LNX2: variants seen among roughly 807,000 people sequenced by gnomAD.
The protein encoded by LNX2 is ligand of Numb protein X 2.
LNX2 carries 35 observed loss-of-function variants against 66.2 expected under a neutral mutation model. That is an observed-to-expected ratio of 0.53 (90% CI 0.40 to 0.70). The LOEUF is 0.70. Among genes scored for constraint, LNX2 ranks in the 30% least tolerant of loss-of-function variants. LNX2 has a pLI of 0.00. For missense variants in LNX2, 791 were observed against 850.8 expected, an observed-to-expected ratio of 0.93 and a Z score of 0.87; for synonymous variants, 337 against 315.6, an observed-to-expected ratio of 1.07 and a Z score of -0.72.
chr13:27,562,715 T>G lies in LNX2; in HGVS notation c.922A>C (p.Asn308His), dbSNP rs1369932129. Residue 308 changes from asparagine (N) to histidine (H), a missense_variant, in exon 5 of 10, where the codon AAC becomes CAC. By Grantham distance (68) the Asn-to-His change is moderately conservative (BLOSUM62 1). Coordinates refer to ENST00000316334, the MANE Select transcript of LNX2 (RefSeq NM_153371.4). ...YARAVLSQPC[N>H]TLHLTVLRER... is the part of the protein sequence containing the mutation. ...CGAAGCACAGTAAGATGCAGTGTGTTGCAGGGCTGGGAAAGGACAGCTCGG... is the reference window on the plus strand; with the variant it reads ...CGAAGCACAGTAAGATGCAGTGTGTGGCAGGGCTGGGAAAGGACAGCTCGG... 1.9e-6 allele frequency: 3 copies of G among 1,614,160 alleles called. No homozygotes were observed. The Admixed American group carries it at 5.0e-5, about 27-fold the overall frequency.
intron 1 of LNX2, among the ~76,000 whole-genome samples, chr13:27,615,890 A>G (rs1344764145): frequency 6.6e-6 from 1 of 152,148 alleles, no homozygotes; most frequent in Non-Finnish European, 1.5e-5. Context: ...TCTGTGAGCC[A>G]AGCCAGATCA....
At chr13:27,579,560 T>C (rs567557041) in intron 2 of LNX2, among the ~76,000 whole-genome samples, 41 of 152,342 alleles carry the variant, frequency 2.7e-4, no homozygotes, top group Non-Finnish European at 5.3e-4. Context: ...ATTCTCATTA[T>C]AAATGGTTTG....
intron 2 of LNX2, among the ~76,000 whole-genome samples, chr13:27,577,824 A>C (rs1955355617): frequency 2.0e-5 from 3 of 152,222 alleles, no homozygotes; most frequent in Admixed American, 1.3e-4. Context: ...CCAAAGGCTT[A>C]AATGTTAAAT....
chr13:27,589,569 C>A (rs1270450348), intron 1 of LNX2, among the ~76,000 whole-genome samples: 1 of 151,864 alleles, frequency 6.6e-6, no homozygotes, highest in Non-Finnish European at 1.5e-5. Flanking sequence ...ATTTTAAACC[C>A]CCTTCACCTT....
At chr13:27,548,558 G>A (rs1371104092) in intron 9 of LNX2, 88 bp from the exon 10 acceptor site, 21 of 1,386,770 alleles carry the variant, frequency 1.5e-5, no homozygotes, top group Middle Eastern at 1.8e-4. Context: ...TGAAAAATGC[G>A]GTTTCACTTA....
intron 1 of LNX2, among the ~76,000 whole-genome samples, chr13:27,601,484 T>C (rs1955658043): frequency 6.6e-6 from 1 of 152,210 alleles, no homozygotes. Context: ...TAAACTAGAA[T>C]GATACTTCTC....
chr13:27,555,285 ATCT>A (rs1338323381), intron 7 of LNX2, among the ~76,000 whole-genome samples: 33 of 152,228 alleles, frequency 2.2e-4, no homozygotes, highest in Admixed American at 2.0e-3. Flanking sequence ...CCATTTATTT[ATCT>A]TCTTTAGAGA....
At chr13:27,586,074 A>G (rs1208192625) in intron 1 of LNX2, among the ~76,000 whole-genome samples, 7 of 148,980 alleles carry the variant, frequency 4.7e-5, no homozygotes, top group African/African-American at 1.7e-4. Context: ...AAGGCAGTAC[A>G]TATATCTATA....
Position 27,547,905 on chromosome 13 carries a change from G to C in LNX2, c.*430C>G, listed in dbSNP as rs1460819296. Reference sequence around the variant, plus strand: ...CAAAATTTAAAGTATATTCATTCATGGTATTGGTTATGACAGTGGCAGTAC... The same window carrying C: ...CAAAATTTAAAGTATATTCATTCATCGTATTGGTTATGACAGTGGCAGTAC... On this transcript the variant is annotated 3_prime_UTR_variant, in exon 10 of 10. Transcript: ENST00000316334. The C allele has an allele frequency of 6.3e-6, 1 of 158,386 alleles. No homozygotes were observed. The highest frequency in any genetic ancestry group is 1.4e-5 in the Non-Finnish European group (1 of 71,690). The allele number at this position is 158,386 out of a possible 1,614,324, so 9.8% of individuals were successfully genotyped here.
chr13:27,559,107 G>A (rs1027071476), intron 6 of LNX2, among the ~76,000 whole-genome samples: 4 of 152,088 alleles, frequency 2.6e-5, no homozygotes, highest in African/African-American at 9.7e-5. Flanking sequence ...TCAAATGAAG[G>A]ATGAAATGAA....
chr13:27,568,961 C>A, intron 3 of LNX2, 68 bp downstream of exon 3: 1 of 1,445,418 alleles, frequency 6.9e-7, no homozygotes, highest in South Asian at 1.5e-5. Context: ...GAAAAAAGTA[C>A]ATGTTGGGCA....
At chr13:27,596,942 C>T (rs999879764) in intron 1 of LNX2, among the ~76,000 whole-genome samples, 2 of 152,208 alleles carry the variant, frequency 1.3e-5, no homozygotes, top group African/African-American at 4.8e-5. Context: ...ATAGAGAGTG[C>T]TTCTCTGAAG....
In LNX2 at chr13:27,613,637, G is replaced by A. The variant is rs573245453; in HGVS notation, c.-101+6738C>T. ...ACAAAAATTATCTGGGTGTGGTGGC[G>A]GGTGCTTGTAATCCCAGCTATTGGG... On this transcript the variant is annotated intron_variant, in intron 1 of 9. Coordinates refer to ENST00000316334, the MANE Select transcript of LNX2 (RefSeq NM_153371.4). Among the ~76,000 whole-genome samples the A allele has an allele frequency of 3.1e-3, 471 of 152,064 alleles. 3 individuals are homozygous for A. The highest frequency in any genetic ancestry group is 0.01 in the African/African-American group (420 of 41,470).
rs760117916 is a variant in LNX2 at position 27,553,389 on chromosome 13, T to C, written c.1597A>G (p.Ser533Gly). 2 of 1,614,164 alleles carry C rather than the reference T, an allele frequency of 1.2e-6. No homozygotes were observed. The highest frequency in any genetic ancestry group is 2.2e-5 in the South Asian group (2 of 91,082). The change falls in exon 8 of 10, where the codon AGT becomes GGT. Residue 533 changes from serine (S) to glycine (G), a missense_variant. Physicochemically the swap from Ser to Gly is moderately conservative, Grantham distance 56 (BLOSUM62 0). Coordinates refer to ENST00000316334, the MANE Select transcript of LNX2 (RefSeq NM_153371.4). ...NGIDLTNLSH[S>G]EAVAMLKASA... ...GCTTTCAGCATTGCAACTGCCTCAC[T>C]GTGACTTAAATTGGTCAAATCAATG...
chr13:27,590,303 C>A (rs112603648), intron 1 of LNX2, among the ~76,000 whole-genome samples: 9 of 152,008 alleles, frequency 5.9e-5, no homozygotes, highest in Non-Finnish European at 1.0e-4. Context: ...GGTGCAATCT[C>A]GGCTCACTGC....
intron 7 of LNX2, among the ~76,000 whole-genome samples, chr13:27,555,406 T>C (rs777016205): frequency 1.6e-4 from 24 of 152,362 alleles, no homozygotes; most frequent in Non-Finnish European, 3.1e-4. Flanking sequence ...ATATATATAA[T>C]TTGCAAATGT....
At chr13:27,608,102 A>T (rs1163507568) in intron 1 of LNX2, among the ~76,000 whole-genome samples, 1 of 152,242 alleles carries the variant, frequency 6.6e-6, no homozygotes, top group Non-Finnish European at 1.5e-5. Flanking sequence ...AGTGCCAGGC[A>T]CATAACAGGC....
intron 1 of LNX2, among the ~76,000 whole-genome samples, chr13:27,583,903 C>G (rs529313587): frequency 1.3e-5 from 2 of 151,548 alleles, no homozygotes; most frequent in Non-Finnish European, 2.9e-5. Flanking sequence ...GCTTTGTGGC[C>G]GGAAATACTT....
intron 1 of LNX2, among the ~76,000 whole-genome samples, chr13:27,604,154 G>A (rs544158053): frequency 6.6e-6 from 1 of 152,334 alleles, no homozygotes; most frequent in Non-Finnish European, 1.5e-5. Context: ...GCTGAGGCAG[G>A]AGAATGGCGT....
Sources: allele counts gnomAD v4.1 joint callset (sites outside exome capture counted in the v4.1 genomes callset), GRCh38; gene constraint gnomAD v4.1.1; transcripts MANE v1.5; gene names NCBI Gene and HGNC (gene_info 2026-07-23, HGNC 2026-07-21).